DIXDC1: variants seen among roughly 807,000 people sequenced by gnomAD.
The protein encoded by DIXDC1 is DIX domain containing 1.
Under a neutral mutation model 103.1 loss-of-function variants are expected in DIXDC1, and 64 were observed. The observed-to-expected ratio is 0.62, with a 90% CI of 0.51 to 0.76. The LOEUF (loss-of-function observed/expected upper bound fraction) is 0.76, where lower values mean the gene tolerates loss of function less well. Among genes scored for constraint, DIXDC1 ranks in the 30% least tolerant of loss-of-function variants. DIXDC1 has a pLI of 0.00. For missense variants in DIXDC1, 759 were observed against 834.2 expected (o/e 0.91, Z 1.11); for synonymous variants, 266 against 298.5 (o/e 0.89, Z 1.12).
rs1342001721 is a variant in DIXDC1, at chr11:112,020,877, A to G, written c.*1841A>G. 6.6e-6 allele frequency: 1 copy of G among 152,250 alleles called. No homozygotes were observed. The highest frequency in any genetic ancestry group is 1.5e-5 in the Non-Finnish European group (1 of 68,040). 9.4% of individuals were successfully genotyped at this position (152,250 alleles called of 1,614,324 possible). On this transcript the variant is annotated 3_prime_UTR_variant, in exon 20 of 20. Transcript: ENST00000440460. ...GGAAAGTCAGCAAAAGAAAGAATGC[A>G]TTTCGAAAGCAAACAGAAGAAAAAA...
At chr11:112,006,932 GGGAACAAAGTT>G (rs1415539648) in intron 17 of DIXDC1, among the ~76,000 whole-genome samples, 1 of 152,180 alleles carries the variant, frequency 6.6e-6, no homozygotes, top group African/African-American at 2.4e-5. Context: ...TCACCAGCAA[GGGAACAAAGTT>G]GGACGGAGAA....
intron 17 of DIXDC1, among the ~76,000 whole-genome samples, chr11:112,014,760 A>G (rs782780902): frequency 6.6e-6 from 1 of 152,260 alleles, no homozygotes; most frequent in Non-Finnish European, 1.5e-5. Context: ...TGAATGAATA[A>G]ATTAAATATA....
chr11:111,957,753 G>A (rs1859436713), intron 1 of DIXDC1, among the ~76,000 whole-genome samples: 1 of 152,238 alleles, frequency 6.6e-6, no homozygotes, highest in Non-Finnish European at 1.5e-5. Context: ...CTAGTGCACT[G>A]TGAGATCTTG....
At chr11:112,016,932 A>G in intron 18 of DIXDC1, 136 bp downstream of exon 18, 1 of 685,588 alleles carries the variant, frequency 1.5e-6, no homozygotes, top group African/African-American at 1.9e-5. Flanking sequence ...GAGATAAGCC[A>G]GAGAGACAGA....
chr11:111,992,331 A>G (rs1180325743), intron 10 of DIXDC1, 84 bp from the exon 11 acceptor site: 2 of 1,229,404 alleles, frequency 1.6e-6, no homozygotes, highest in Non-Finnish European at 1.1e-6. Context: ...TGCTGGAAAC[A>G]CATTAAAGGC....
intron 2 of DIXDC1, among the ~76,000 whole-genome samples, chr11:111,967,564 C>T (rs1420757027): frequency 6.6e-6 from 1 of 152,186 alleles, no homozygotes; most frequent in Non-Finnish European, 1.5e-5. Context: ...TTCCTCTCTC[C>T]ATAGTCTATT....
intron 17 of DIXDC1, among the ~76,000 whole-genome samples, chr11:112,003,524 C>T (rs1243629027): frequency 5.9e-5 from 9 of 152,126 alleles, no homozygotes; most frequent in Middle Eastern, 3.4e-3. Flanking sequence ...GTAGGACAGG[C>T]GCAGTGGCTC....
chr11:111,974,824 A>G, intron 4 of DIXDC1, 52 bp from the exon 5 acceptor site: 1 of 1,590,614 alleles, frequency 6.3e-7, no homozygotes. Context: ...TGTTGAGTTG[A>G]TCTGATCTGA....
chr11:111,937,287 C>G (rs763341489), upstream of DIXDC1: 7 of 1,312,926 alleles, frequency 5.3e-6, no homozygotes, highest in Non-Finnish European at 6.8e-6. Context: ...GAACCGCGAC[C>G]GCGCCGGGCC....
upstream of DIXDC1, chr11:111,937,093 GT>G: frequency 5.0e-6 from 2 of 399,056 alleles, no homozygotes; most frequent in Non-Finnish European, 6.7e-6. Context: ...GTGTGTGTGT[GT>G]GTAGCGCACG....
intron 14 of DIXDC1, among the ~76,000 whole-genome samples, chr11:111,994,327 G>A (rs1555175017): frequency 1.3e-5 from 2 of 152,068 alleles, no homozygotes; most frequent in Non-Finnish European, 2.9e-5. Flanking sequence ...GGTAGAGGTT[G>A]CCATGAGCTG....
At position 112,004,026 on chromosome 11, in the gene DIXDC1, TTATATATA is replaced by T. The variant is rs34490826; in HGVS notation, c.1756+7896_1756+7903del. On this transcript the variant is annotated intron_variant, in intron 17 of 19. Transcript: ENST00000440460. ...AAACCCCATCTTAAAAAAAAAAAAATTATATATATATATATATATATATGTATGTATAT... is the reference window on the plus strand; with the variant it reads ...AAACCCCATCTTAAAAAAAAAAAAATTATATATATATATATGTATGTATAT... Among the ~76,000 whole-genome samples, 417 of 128,478 alleles carry T rather than the reference TTATATATA, an allele frequency of 3.2e-3. 2 individuals carry two copies. Among genetic ancestry groups the T allele is most frequent in the African/African-American group, 0.012 (382 of 33,154 alleles). 84.3% of individuals were successfully genotyped at this position (128,478 alleles called of 152,430 possible).
intron 1 of DIXDC1, 89 bp from the exon 2 acceptor site, chr11:111,964,460 C>G: frequency 6.8e-7 from 1 of 1,469,282 alleles, no homozygotes; most frequent in Non-Finnish European, 9.2e-7. Context: ...TTTATTATAC[C>G]CCAGTCACAA....
Position 112,014,485 on chromosome 11 carries a change from T to C in DIXDC1, c.1757-2206T>C, listed in dbSNP as rs587705742. On this transcript the variant is annotated intron_variant, in intron 17 of 19. Coordinates refer to ENST00000440460, the MANE Select transcript of DIXDC1 (RefSeq NM_001037954.4). The stretch of plus-strand genomic sequence containing the variant: ...CTTCTTGGAATACTCTTTTCAACTT[T>C]AGTATCTCGTGATTTTTAAAAGGTG... 6.6e-5 allele frequency among the ~76,000 whole-genome samples: 10 copies of C among 152,344 alleles called. No individual in the cohort carries two copies. In the South Asian group the frequency reaches 1.9e-3, roughly 28 times the overall value.
chr11:111,996,383 A>G, intron 17 of DIXDC1: 1 of 352,558 alleles, frequency 2.8e-6, no homozygotes, highest in Non-Finnish European at 5.1e-6. Flanking sequence ...CAGAGAGGCT[A>G]AAATATCTTT....
Position 111,931,567 on chromosome 11 carries a change from C to T in DIXDC1, c.57+1657C>T, listed in dbSNP as rs180928749. Among the ~76,000 whole-genome samples, 431 of 151,928 alleles carry T rather than the reference C, an allele frequency of 2.8e-3. 4 individuals carry two copies. Among genetic ancestry groups the T allele is most frequent in the African/African-American group, 9.8e-3 (408 of 41,432 alleles). ...CTGAGGCAGGAGAATCACTTGAACCCGGGAGGCAGAGGTTGCAGTCAGCTG... is the reference window on the plus strand; with the variant it reads ...CTGAGGCAGGAGAATCACTTGAACCTGGGAGGCAGAGGTTGCAGTCAGCTG... On this transcript the variant is annotated intron_variant, in intron 2 of 5. Transcript: ENST00000529225.
intron 2 of DIXDC1, among the ~76,000 whole-genome samples, chr11:111,966,243 A>C (rs1354208607): frequency 3.0e-5 from 1 of 33,072 alleles, no homozygotes; most frequent in Non-Finnish European, 5.0e-5. Context: ...TTTTTTTTTG[A>C]AACGGAGTTT....
At position 111,994,809 on chromosome 11, in the gene DIXDC1, G is replaced by A. The variant is rs587752072; in HGVS notation, c.1438-210G>A. ...TTCCTTTATTCACATCCAACAATGCGTACTAAGTGTCAAGTGCTGGGCATA... is the reference window on the plus strand; with the variant it reads ...TTCCTTTATTCACATCCAACAATGCATACTAAGTGTCAAGTGCTGGGCATA... On this transcript the variant is annotated intron_variant, in intron 14 of 19. Coordinates refer to ENST00000440460, the MANE Select transcript of DIXDC1 (RefSeq NM_001037954.4). Among the ~76,000 whole-genome samples, 11 of 152,128 alleles carry A rather than the reference G, an allele frequency of 7.2e-5. No homozygotes were observed. The East Asian group carries it at 1.9e-3, about 27-fold the overall frequency.
intron 7 of DIXDC1, 148 bp from the exon 8 acceptor site, chr11:111,985,084 G>A (rs1421394019): frequency 1.4e-6 from 1 of 696,480 alleles, no homozygotes; most frequent in African/African-American, 1.8e-5. Flanking sequence ...GTGAGCAATG[G>A]GAAGTATCTA....
Sources: gnomAD v4.1 joint callset for allele counts (sites outside exome capture counted in the v4.1 genomes callset) on GRCh38, gnomAD v4.1.1 for gene constraint, MANE v1.5 for transcripts, NCBI Gene and HGNC (gene_info 2026-07-23, HGNC 2026-07-21) for gene names.